The following KCNT2 variants were observed in gnomAD, a reference collection of about 807,000 sequenced individuals.
The protein encoded by KCNT2 is potassium channel subfamily T member 2.
In KCNT2, 67 loss-of-function variants were observed where a neutral mutation model predicts 153.8. The ratio of observed to expected loss-of-function variants is 0.44; its 90% CI spans 0.36 to 0.53. The LOEUF (loss-of-function observed/expected upper bound fraction) is 0.53, where lower values mean the gene tolerates loss of function less well. Ranked by LOEUF, KCNT2 falls within the 20% of genes least tolerant of loss-of-function variation. The pLI is 0.00. For synonymous variants in KCNT2, 500 were observed against 458.8 expected (o/e 1.09, Z -1.15); for missense variants, 975 against 1,354.8 (o/e 0.72, Z 4.40).
At chr1:196,403,405 C>T (rs1056659947) in intron 12 of KCNT2, among the ~76,000 whole-genome samples, 1 of 151,518 alleles carries the variant, frequency 6.6e-6, no homozygotes, top group Non-Finnish European at 1.5e-5. Flanking sequence ...AAAGAAAGGA[C>T]AGAAGGATGT....
At chr1:196,361,009 G>T (rs998620939) in intron 14 of KCNT2, among the ~76,000 whole-genome samples, 1 of 151,986 alleles carries the variant, frequency 6.6e-6, no homozygotes, top group African/African-American at 2.4e-5. Flanking sequence ...GAATGATATG[G>T]GATAGAAGTA....
At chr1:196,421,283 C>T (rs1673180259) in intron 12 of KCNT2, among the ~76,000 whole-genome samples, 1 of 151,982 alleles carries the variant, frequency 6.6e-6, no homozygotes. Context: ...CTAAAACCTT[C>T]CAAATTCACA....
intron 1 of KCNT2, among the ~76,000 whole-genome samples, chr1:196,606,426 T>G (rs1665328364): frequency 6.6e-6 from 1 of 152,198 alleles, no homozygotes; most frequent in Non-Finnish European, 1.5e-5. Context: ...TTTAAATATT[T>G]AATAACTTAT....
At chr1:196,445,022 C>A (rs1187775072) in intron 8 of KCNT2, among the ~76,000 whole-genome samples, 1 of 151,322 alleles carries the variant, frequency 6.6e-6, no homozygotes, top group Admixed American at 6.6e-5. Context: ...TTATTCTCTA[C>A]AACCTACTTT....
intron 26 of KCNT2, among the ~76,000 whole-genome samples, chr1:196,246,556 A>G (rs1041218660): frequency 2.0e-5 from 3 of 152,086 alleles, no homozygotes; most frequent in Non-Finnish European, 4.4e-5. Flanking sequence ...AATAGCTACA[A>G]TTTTTCCAGT....
At chr1:196,234,552 A>G (rs556716731) in intron 27 of KCNT2, among the ~76,000 whole-genome samples, 1 of 151,298 alleles carries the variant, frequency 6.6e-6, no homozygotes, top group African/African-American at 2.4e-5. Flanking sequence ...CCCTACGTTC[A>G]TATTCACCCC....
chr1:196,413,682 T>C (rs1048536619), intron 12 of KCNT2, among the ~76,000 whole-genome samples: 1 of 151,758 alleles, frequency 6.6e-6, no homozygotes, highest in African/African-American at 2.4e-5. Context: ...TTACACTTAA[T>C]AATTTTCCTA....
rs1653537488 is a variant in KCNT2, at chr1:196,226,980, TA to T, written c.*1243del. On this transcript the variant is annotated 3_prime_UTR_variant, in exon 28 of 28. Coordinates refer to ENST00000294725, the MANE Select transcript of KCNT2 (RefSeq NM_198503.5). ...CTTGTGCTCTTTTGATCTATTTCTCTAGGGGGAAAATGCAATACAGGTAAAA... is the reference window on the plus strand; with the variant it reads ...CTTGTGCTCTTTTGATCTATTTCTCTGGGGGAAAATGCAATACAGGTAAAA... 1 of 151,982 alleles carries T rather than the reference TA, an allele frequency of 6.6e-6. No homozygotes were observed. Among genetic ancestry groups the T allele is most frequent in the East Asian group, 1.9e-4 (1 of 5,188 alleles). 9.4% of individuals were successfully genotyped at this position (151,982 alleles called of 1,614,324 possible).
intron 25 of KCNT2, among the ~76,000 whole-genome samples, chr1:196,274,623 G>T (rs753693161): frequency 6.6e-6 from 1 of 151,820 alleles, no homozygotes; most frequent in South Asian, 2.1e-4. Flanking sequence ...AAGTGTTAAT[G>T]ATTGGCACAT....
chr1:196,345,333 A>G (rs563856826), intron 14 of KCNT2, among the ~76,000 whole-genome samples: 2 of 152,316 alleles, frequency 1.3e-5, no homozygotes, highest in South Asian at 4.2e-4. Flanking sequence ...ATCTTGAAGA[A>G]GGCAAGAGAG....
chr1:196,511,068 G>A (rs1681573778), intron 1 of KCNT2, among the ~76,000 whole-genome samples: 1 of 150,534 alleles, frequency 6.6e-6, no homozygotes, highest in Non-Finnish European at 1.5e-5. Flanking sequence ...CCTAAAGGAA[G>A]CACCTAAAAA....
intron 27 of KCNT2, among the ~76,000 whole-genome samples, chr1:196,234,643 C>A (rs1019897899): frequency 6.6e-6 from 1 of 151,300 alleles, no homozygotes; most frequent in Non-Finnish European, 1.5e-5. Context: ...TCACTCCAGT[C>A]GAAATCTTCC....
intron 2 of KCNT2, among the ~76,000 whole-genome samples, chr1:196,490,449 C>T (rs1342435837): frequency 6.8e-6 from 1 of 146,750 alleles, no homozygotes; most frequent in Non-Finnish European, 1.5e-5. Flanking sequence ...ATAATACATT[C>T]CAATTATATA....
At chr1:196,256,601 A>G (rs1394156783) in intron 26 of KCNT2, among the ~76,000 whole-genome samples, 1 of 150,420 alleles carries the variant, frequency 6.6e-6, no homozygotes, top group African/African-American at 2.4e-5. Flanking sequence ...GTGTTATTTG[A>G]GATATAATTA....
intron 19 of KCNT2, among the ~76,000 whole-genome samples, chr1:196,319,855 T>A (rs1041051458): frequency 6.6e-6 from 1 of 151,746 alleles, no homozygotes; most frequent in Non-Finnish European, 1.5e-5. Flanking sequence ...CCAAGAAATC[T>A]TATAAATAAA....
chr1:196,361,135 G>A (rs933560019), intron 14 of KCNT2, among the ~76,000 whole-genome samples: 2 of 151,856 alleles, frequency 1.3e-5, no homozygotes, highest in African/African-American at 4.8e-5. Flanking sequence ...GCATGAAGTA[G>A]GTTAAAAGAA....
At chr1:196,398,034 T>A (rs1338333878) in intron 13 of KCNT2, among the ~76,000 whole-genome samples, 1 of 151,512 alleles carries the variant, frequency 6.6e-6, no homozygotes, top group Non-Finnish European at 1.5e-5. Context: ...TGATCTGTCA[T>A]TTTTAAAGCA....
intron 26 of KCNT2, among the ~76,000 whole-genome samples, chr1:196,240,699 T>G (rs1463608883): frequency 6.6e-6 from 1 of 151,918 alleles, no homozygotes; most frequent in Non-Finnish European, 1.5e-5. Flanking sequence ...AAGATTAATT[T>G]GAGATGATGT....
At chr1:196,548,860 A>G (rs1464422445) in intron 1 of KCNT2, among the ~76,000 whole-genome samples, 1 of 152,118 alleles carries the variant, frequency 6.6e-6, no homozygotes, top group Non-Finnish European at 1.5e-5. Context: ...TTGTAGGAAC[A>G]TGGATGAAAT....
Sources: allele counts gnomAD v4.1 joint callset (sites outside exome capture counted in the v4.1 genomes callset), GRCh38; gene constraint gnomAD v4.1.1; transcripts MANE v1.5; gene names NCBI Gene and HGNC (gene_info 2026-07-23, HGNC 2026-07-21).